Variants in MTMR10 observed in about 807,000 individuals in gnomAD.
MTMR10 encodes myotubularin-related protein 10.
In MTMR10, 56 loss-of-function variants were observed where a neutral mutation model predicts 88.1. The ratio of observed to expected loss-of-function variants is 0.64; its 90% CI spans 0.51 to 0.79. The LOEUF (loss-of-function observed/expected upper bound fraction) is 0.79. Among genes scored for constraint, MTMR10 ranks in the 30% least tolerant of loss-of-function variants. The pLI, the probability that MTMR10 is intolerant of heterozygous loss-of-function variation, is 0.00. For synonymous variants in MTMR10, 380 were observed against 340.9 expected, an observed-to-expected ratio of 1.11 and a Z score of -1.26; for missense variants, 883 against 924.7, an observed-to-expected ratio of 0.95 and a Z score of 0.58.
At chr15:30,925,974 C>A in the MTMR10 span, 8 of 1,609,300 alleles carry the variant, frequency 5.0e-6, no homozygotes, top group Non-Finnish European at 5.9e-6. Flanking sequence ...GGCACCCAGC[C>A]CCGGGTGGAC....
rs759457115 is a variant in MTMR10, at chr15:30,951,942, G to A, written c.1207+26C>T. The A allele has an allele frequency of 2.5e-6, 4 of 1,592,368 alleles. No homozygotes were observed. The Admixed American group carries it at 6.7e-5, about 27-fold the overall frequency. ...AAGGCTGGCTGGTATGGTGGTCATG[G>A]TGCTTTCAGGAGTTACTTTAGTTAC... On this transcript the variant is annotated intron_variant, in intron 12 of 15. Transcript: ENST00000435680.
chr15:30,929,242 A>T, the MTMR10 span: 1 of 1,613,484 alleles, frequency 6.2e-7, no homozygotes, highest in Non-Finnish European at 8.5e-7. Context: ...CTTCTTCACA[A>T]GCAGACGCCC....
At chr15:30,982,627 G>A (rs1271443124) in intron 2 of MTMR10, among the ~76,000 whole-genome samples, 1 of 152,154 alleles carries the variant, frequency 6.6e-6, no homozygotes, top group Non-Finnish European at 1.5e-5. Flanking sequence ...GGGATACAGG[G>A]GAAGAAGAAA....
In MTMR10 at chr15:30,959,456, C is replaced by T. The variant is rs116648797; in HGVS notation, c.759-335G>A. On this transcript the variant is annotated intron_variant, in intron 7 of 15. Transcript: ENST00000435680. ...TCTTGACAGGCTATGGTTAAGGACA[C>T]CAGGCAAACAAAAGAAAACCCCACA... Among the ~76,000 whole-genome samples, 1,232 of 152,254 alleles carry T rather than the reference C, an allele frequency of 8.1e-3. 14 individuals are homozygous for T. The highest frequency in any genetic ancestry group is 0.028 in the African/African-American group (1,143 of 41,530).
the MTMR10 span, chr15:30,929,533 A>C: frequency 4.2e-6 from 1 of 239,930 alleles, no homozygotes; most frequent in Non-Finnish European, 7.3e-6. Context: ...TATGATATAT[A>C]GTATATATCA....
Position 30,967,170 on chromosome 15 carries a change from A to T in MTMR10, c.565+750T>A, listed in dbSNP as rs1313752469. Among the ~76,000 whole-genome samples, 5 of 152,312 alleles carry T rather than the reference A, an allele frequency of 3.3e-5. No individual in the cohort carries two copies. The East Asian group carries it at 9.6e-4, about 29-fold the overall frequency. On this transcript the variant is annotated intron_variant, in intron 6 of 15. Transcript: ENST00000435680. ...TTTTCTTGCTTAAATAAAAGAACAC[A>T]GGCTTCGCTCAGTTAACTGACTTGC...
the MTMR10 span, among the ~76,000 whole-genome samples, chr15:30,923,751 C>A: frequency 6.6e-6 from 1 of 152,256 alleles, no homozygotes; most frequent in Non-Finnish European, 1.5e-5. Flanking sequence ...TCATTTCCTT[C>A]AGCCACTCAA....
rs772543189 is a variant in MTMR10 at position 30,941,774 on chromosome 15, G to A, written c.2030C>T (p.Thr677Ile). The change falls in exon 16 of 16, where the codon ACA becomes ATA. Residue 677 changes from threonine to isoleucine, a missense_variant. Physicochemically the swap from Thr to Ile is moderately conservative, Grantham distance 89 (BLOSUM62 -1). Around this residue, in one of 3 missense-constraint regions of MTMR10, gnomAD observed 343 missense variants for 323.2 expected, o/e 1.06. Transcript: ENST00000435680. Reference sequence around the variant, plus strand: ...CAGGAGGGAGAGCTTGTGAAAGGCTGTGATGGAGCCACCCAGGCTGATCTG... The same window carrying A: ...CAGGAGGGAGAGCTTGTGAAAGGCTATGATGGAGCCACCCAGGCTGATCTG... ...EAQISLGGSITAFHKLSLLAD... is the reference protein window; with the variant it reads ...EAQISLGGSIIAFHKLSLLAD... The A allele has an allele frequency of 1.9e-6, 3 of 1,614,030 alleles. No individual in the cohort carries two copies. The highest frequency in any genetic ancestry group is 1.6e-4 in the Middle Eastern group (1 of 6,062).
the MTMR10 span, among the ~76,000 whole-genome samples, chr15:30,920,888 A>T: frequency 6.6e-6 from 1 of 152,200 alleles, no homozygotes; most frequent in African/African-American, 2.4e-5. Context: ...GGCTCAAGTC[A>T]TCCTCTCACC....
At chr15:30,962,871 A>G (rs2063421018) in intron 6 of MTMR10, among the ~76,000 whole-genome samples, 1 of 152,172 alleles carries the variant, frequency 6.6e-6, no homozygotes, top group Non-Finnish European at 1.5e-5. Flanking sequence ...GACCACAACT[A>G]AAGAGAGTTC....
the MTMR10 span, chr15:30,930,636 C>CTGG: frequency 1.2e-6 from 2 of 1,613,018 alleles, no homozygotes; most frequent in African/African-American, 2.7e-5. Flanking sequence ...CCTCCCCGAC[C>CTGG]TGGTGGTGTG....
chr15:30,990,417 A>G (rs1054524105), intron 2 of MTMR10, among the ~76,000 whole-genome samples: 2 of 152,256 alleles, frequency 1.3e-5, no homozygotes, highest in South Asian at 4.1e-4. Context: ...TTCAAAGTTC[A>G]CTAAGCTCTG....
chr15:30,950,141 C>T (rs1461498843), intron 12 of MTMR10: 16 of 152,118 alleles, frequency 1.1e-4, no homozygotes, highest in Admixed American at 1.0e-3. Flanking sequence ...TTTTCTATTA[C>T]AAATGCATGG....
intron 2 of MTMR10, 52 bp from the exon 3 acceptor site, chr15:30,977,007 G>C (rs1045136063): frequency 3.2e-5 from 49 of 1,547,496 alleles, no homozygotes; most frequent in Non-Finnish European, 4.3e-5. Flanking sequence ...AATACCAACG[G>C]TCTTTGTGGG....
At position 30,974,965 on chromosome 15, in the gene MTMR10, A is replaced by T. The variant is rs752126613; in HGVS notation, c.297T>A (p.Asp99Glu). 2.5e-6 allele frequency: 4 copies of T among 1,579,168 alleles called. No homozygotes were observed. Among genetic ancestry groups the T allele is most frequent in the Non-Finnish European group, 2.6e-6 (3 of 1,160,648 alleles). Residue 99 changes from aspartate (D) to glutamate (E), a missense_variant, in exon 4 of 16, where the codon GAT becomes GAA. By Grantham distance (45) the Asp-to-Glu change is conservative. Coordinates refer to ENST00000435680, the MANE Select transcript of MTMR10 (RefSeq NM_017762.3). ...HYRNLLLGEHDVPLTCIEQIV... is the reference protein window; with the variant it reads ...HYRNLLLGEHEVPLTCIEQIV... ...TTTGCTCAATACATGTTAAAGGGAC[A>T]TCGTGTTCACCAAGAAGAAGGTTTC...
At chr15:30,925,855 G>A in the MTMR10 span, 10 of 1,613,950 alleles carry the variant, frequency 6.2e-6, no homozygotes, top group African/African-American at 5.3e-5. Flanking sequence ...GATGGAGGCC[G>A]GGGAGGCCGC....
the MTMR10 span, among the ~76,000 whole-genome samples, chr15:30,920,383 G>A: frequency 6.6e-6 from 1 of 152,206 alleles, no homozygotes; most frequent in East Asian, 1.9e-4. Flanking sequence ...GTAGCTGGCT[G>A]TGAGAATGTA....
At chr15:30,973,608 A>G (rs2029887145) in intron 5 of MTMR10, among the ~76,000 whole-genome samples, 1 of 152,060 alleles carries the variant, frequency 6.6e-6, no homozygotes, top group African/African-American at 2.4e-5. Context: ...CCCTATTCCC[A>G]TACACACGCG....
intron 11 of MTMR10, 75 bp downstream of exon 11, chr15:30,953,487 T>C: frequency 1.7e-6 from 2 of 1,158,486 alleles, no homozygotes; most frequent in Non-Finnish European, 1.2e-6. Context: ...CTCTGTGCTA[T>C]TTTTGTACCT....
Sources: gnomAD v4.1 joint callset for allele counts (sites outside exome capture counted in the v4.1 genomes callset) on GRCh38, gnomAD v4.1.1 for gene constraint, gnomAD v4.1.1 regional missense constraint, MANE v1.5 for transcripts, NCBI Gene and HGNC (gene_info 2026-07-23, HGNC 2026-07-21) for gene names.